CUTA: variants seen among roughly 807,000 people sequenced by gnomAD.
The protein encoded by CUTA is protein CutA.
Under a neutral mutation model 20.7 loss-of-function variants are expected in CUTA, and 21 were observed. The observed-to-expected ratio is 1.01, with a 90% confidence interval of 0.72 to 1.46. CUTA has a LOEUF of 1.46. CUTA is among the 40% of genes most tolerant of loss of function. The pLI is 0.00. For missense variants in CUTA, 231 were observed against 226.8 expected (o/e 1.02, Z -0.12); for synonymous variants, 99 against 97.9 (o/e 1.01, Z -0.07).
Position 33,416,566 on chromosome 6 carries a change from T to C in CUTA, c.*84A>G. 1 of 847,852 alleles carries C rather than the reference T, an allele frequency of 1.2e-6. No homozygotes were observed. The highest frequency in any genetic ancestry group is 2.4e-5 in the East Asian group (1 of 40,912). The allele number at this position is 847,852 out of a possible 1,614,324, so 52.5% of individuals were successfully genotyped here. On this transcript the variant is annotated 3_prime_UTR_variant, in exon 6 of 6. Transcript: ENST00000488034. ...AGGCAGAGAGACCCAAAGACGGGAT[T>C]TATTGGGGGCCCAGTCATCACCTGG...
At position 33,417,371 on chromosome 6, in the gene CUTA, C is replaced by CCCAGAGACAGGCTT. The variant is rs1400220604; in HGVS notation, c.258-75_258-62dup. ...ATAACCCCAGTTTTTGTACTGGCAG[C>CCCAGAGACAGGCTT]CCAGAGACAGGCTTCCAGAGCTGGA... On this transcript the variant is annotated intron_variant, in intron 2 of 5. Transcript: ENST00000488034. The CCCAGAGACAGGCTT allele has an allele frequency of 2.5e-6, 4 of 1,613,198 alleles. No homozygotes were observed. In the African/African-American group the frequency reaches 5.3e-5, roughly 22 times the overall value.
At chr6:33,417,189 C>T (rs1252782948) in intron 3 of CUTA, 47 bp from the exon 4 acceptor site, 1 of 1,613,394 alleles carries the variant, frequency 6.2e-7, no homozygotes, top group Middle Eastern at 1.7e-4. Context: ...GAATTTCCCC[C>T]AGGAAAGAGG....
intron 1 of CUTA, 84 bp downstream of exon 1, chr6:33,417,873 CAG>C (rs1562863643): frequency 6.4e-7 from 1 of 1,561,704 alleles, no homozygotes; most frequent in South Asian, 1.2e-5. Flanking sequence ...ACTCACACCT[CAG>C]GGGGCCAACC....
At position 33,418,003 on chromosome 6, in the gene CUTA, G is replaced by T. The variant is rs1318669227; in HGVS notation, c.-3C>A. The T allele has an allele frequency of 6.2e-7, 1 of 1,613,542 alleles. No homozygotes were observed. Among genetic ancestry groups the T allele is most frequent in the African/African-American group, 1.3e-5 (1 of 74,918 alleles). ...GCGGGAGCCCGCCCCCCACTCATGCGGCCTACGCTGGTACAGGAGAGTTGA... is the reference window on the plus strand; with the variant it reads ...GCGGGAGCCCGCCCCCCACTCATGCTGCCTACGCTGGTACAGGAGAGTTGA... On this transcript the variant is annotated 5_prime_UTR_variant, in exon 1 of 6. Transcript: ENST00000488034. This position sits in a 1 kb window ranked among gnomAD's most constrained non-coding sequence, Gnocchi z 5.7.
Position 33,417,310 on chromosome 6 carries a change from C to A in CUTA, c.258G>T (p.Arg86Ser), listed in dbSNP as rs374469503. ...PNEKVAKEIA[R>S]AVVEKRLAAC... ...CTGCTAGGCGCTTCTCCACCACGGC[C>A]CTGGAGTGAAGAGACAGTCCCATTC... The change falls in exon 3 of 6, where the codon AGG becomes AGT. Residue 86 changes from arginine (R) to serine (S), a missense_variant and splice_region_variant. Coordinates refer to ENST00000488034, the MANE Select transcript of CUTA (RefSeq NM_001014840.2). 3 of 1,614,168 alleles carry A rather than the reference C, an allele frequency of 1.9e-6. No individual in the cohort carries two copies. The highest frequency in any genetic ancestry group is 4.5e-5 in the East Asian group (2 of 44,882).
At chr6:33,417,830 A>G (rs1776605553) in intron 1 of CUTA, 129 bp downstream of exon 1, 1 of 1,544,252 alleles carries the variant, frequency 6.5e-7, no homozygotes, top group East Asian at 2.4e-5. Context: ...AAGGTGAGAG[A>G]GAAACTTGGA....
chr6:33,417,736 C>A, intron 1 of CUTA, 41 bp from the exon 2 acceptor site: 2 of 1,578,706 alleles, frequency 1.3e-6, no homozygotes, highest in East Asian at 2.3e-5. Context: ...TCACAAACAG[C>A]CCAGGAAATT....
chr6:33,417,148 A>G lies in CUTA; in HGVS notation c.318-6T>C, dbSNP rs1418094767. ...TCTTCCCTTTCCACTCATAGCTGAAAGGTCAGAGGGGGAGAGTTGTGGGGA... is the reference window on the plus strand; with the variant it reads ...TCTTCCCTTTCCACTCATAGCTGAAGGGTCAGAGGGGGAGAGTTGTGGGGA... On this transcript the variant is annotated splice_polypyrimidine_tract_variant and splice_region_variant and intron_variant, in intron 3 of 5. Coordinates refer to ENST00000488034, the MANE Select transcript of CUTA (RefSeq NM_001014840.2). 1.2e-6 allele frequency: 2 copies of G among 1,611,192 alleles called. No individual in the cohort carries two copies. Among genetic ancestry groups the G allele is most frequent in the African/African-American group, 2.7e-5 (2 of 74,844 alleles).
intron 5 of CUTA, 26 bp downstream of exon 5, chr6:33,416,894 C>G: frequency 1.2e-6 from 2 of 1,613,912 alleles, no homozygotes; most frequent in Non-Finnish European, 8.5e-7. Context: ...TACACACCCT[C>G]ACCCCATCCA....
intron 1 of CUTA, 95 bp from the exon 2 acceptor site, chr6:33,417,790 C>G: frequency 6.5e-7 from 1 of 1,544,654 alleles, no homozygotes; most frequent in Non-Finnish European, 8.7e-7. Flanking sequence ...CTCTGCCCTC[C>G]CTCTGATGCA....
rs911989970 is a variant in CUTA, at chr6:33,417,945, G to T, written c.42+14C>A. The T allele has an allele frequency of 3.2e-6, 5 of 1,583,788 alleles. No homozygotes were observed. The East Asian group carries it at 1.2e-4, about 37-fold the overall frequency. On this transcript the variant is annotated intron_variant, in intron 1 of 5. Coordinates refer to ENST00000488034, the MANE Select transcript of CUTA (RefSeq NM_001014840.2). Reference sequence around the variant, plus strand: ...TCGAGGACCGGAAGGGGCGGGGCGGGGCCGGTCACTCACCACTCCGCCGAG... The same window carrying T: ...TCGAGGACCGGAAGGGGCGGGGCGGTGCCGGTCACTCACCACTCCGCCGAG...
Position 33,416,511 on chromosome 6 carries a change from A to G in CUTA, c.*139T>C. On this transcript the variant is annotated 3_prime_UTR_variant, in exon 6 of 6. Coordinates refer to ENST00000488034, the MANE Select transcript of CUTA (RefSeq NM_001014840.2). ...TAGAAGCACTTATATTCTCCCAACA[A>G]ATTTGCATACATGACAAAAAACAGG... 1 of 681,620 alleles carries G rather than the reference A, an allele frequency of 1.5e-6. No individual in the cohort carries two copies. Among genetic ancestry groups the G allele is most frequent in the Non-Finnish European group, 2.7e-6 (1 of 370,962 alleles). The allele number at this position is 681,620 out of a possible 1,614,324, so 42.2% of individuals were successfully genotyped here.
In CUTA at chr6:33,416,444, G is replaced by A; in HGVS notation, c.*206C>T. On this transcript the variant is annotated 3_prime_UTR_variant, in exon 6 of 6. Transcript: ENST00000488034. ...AAATAAAGAGAAATAAACAAATCTA[G>A]CAGCTCTGAGTCATTCTGAAAGATG... 1.8e-6 allele frequency: 1 copy of A among 564,226 alleles called. No homozygotes were observed. Among genetic ancestry groups the A allele is most frequent in the South Asian group, 2.6e-5 (1 of 38,884 alleles). The allele number at this position is 564,226 out of a possible 1,614,324, so 35.0% of individuals were successfully genotyped here.
chr6:33,417,421 G>A (rs1196810221), intron 2 of CUTA, 60 bp downstream of exon 2: 38 of 1,611,986 alleles, frequency 2.4e-5, no homozygotes, highest in Non-Finnish European at 3.4e-6. Context: ...GCACTCTTCT[G>A]CCCCACCCCC....
Position 33,418,096 on chromosome 6 carries a change from A to G in CUTA, c.-96T>C. On this transcript the variant is annotated 5_prime_UTR_variant, in exon 1 of 6. Coordinates refer to ENST00000488034, the MANE Select transcript of CUTA (RefSeq NM_001014840.2). This position sits in a 1 kb window ranked among gnomAD's most constrained non-coding sequence, Gnocchi z 5.7. The stretch of plus-strand genomic sequence containing the variant: ...AGCGGCCTCTTCTTACCTGGGTGGC[A>G]GCCACGTGATTAGAAAACAGCGCGC... 1 of 1,614,126 alleles carries G rather than the reference A, an allele frequency of 6.2e-7. No homozygotes were observed. The highest frequency in any genetic ancestry group is 8.5e-7 in the Non-Finnish European group (1 of 1,180,032).
In CUTA at chr6:33,416,552, C is replaced by G. The variant is rs1776491526; in HGVS notation, c.*98G>C. On this transcript the variant is annotated 3_prime_UTR_variant, in exon 6 of 6. Transcript: ENST00000488034. Reference sequence around the variant, plus strand: ...AAAAAACAGGCAAAAGGCAGAGAGACCCAAAGACGGGATTTATTGGGGGCC... The same window carrying G: ...AAAAAACAGGCAAAAGGCAGAGAGAGCCAAAGACGGGATTTATTGGGGGCC... The G allele has an allele frequency of 2.5e-6, 2 of 791,040 alleles. No individual in the cohort carries two copies. The highest frequency in any genetic ancestry group is 3.9e-5 in the Admixed American group (2 of 51,700). The allele number at this position is 791,040 out of a possible 1,614,324, so 49.0% of individuals were successfully genotyped here.
chr6:33,416,735 G>A lies in CUTA; in HGVS notation c.455C>T (p.Pro152Leu). 1 of 1,614,130 alleles carries A rather than the reference G, an allele frequency of 6.2e-7. No individual in the cohort carries two copies. Among genetic ancestry groups the A allele is most frequent in the Non-Finnish European group, 8.5e-7 (1 of 1,180,020 alleles). The change falls in exon 6 of 6, where the codon CCT (proline) becomes CTT (leucine). Residue 152 changes from proline to leucine, a missense_variant. Physicochemically the swap from Pro to Leu is moderately conservative, Grantham distance 98. Coordinates refer to ENST00000488034, the MANE Select transcript of CUTA (RefSeq NM_001014840.2). Reference sequence around the variant, plus strand: ...GTACGGAAAGTTCCCCTGTTCCACAGGCAATGCAATTACCTCGGCCACTTC... The same window carrying A: ...GTACGGAAAGTTCCCCTGTTCCACAAGCAATGCAATTACCTCGGCCACTTC... ...PYEVAEVIAL[P>L]VEQGNFPYLQ...
chr6:33,417,045 A>C, intron 4 of CUTA, 52 bp downstream of exon 4: 1 of 1,612,864 alleles, frequency 6.2e-7, no homozygotes, highest in East Asian at 2.2e-5. Context: ...GGTAAGGGCT[A>C]AAGGGGTCAG....
Sources: gnomAD v4.1 joint callset for allele counts on GRCh38, gnomAD v4.1.1 for gene constraint, Gnocchi (gnomAD v3.1) non-coding constraint, MANE v1.5 for transcripts, NCBI Gene and HGNC (gene_info 2026-07-23, HGNC 2026-07-21) for gene names.